The following PCDH15 variants were observed in gnomAD, a reference collection of about 807,000 sequenced individuals.
The protein encoded by PCDH15 is protocadherin-15.
A neutral mutation model predicts 178.5 loss-of-function variants in PCDH15; 129 were observed. The ratio of observed to expected loss-of-function variants is 0.72; its 90% CI spans 0.63 to 0.84. The LOEUF is 0.84. Ranked by LOEUF, PCDH15 falls within the 40% of genes least tolerant of loss-of-function variation. The pLI is 0.00. For missense variants in PCDH15, 2,230 were observed against 2,099.9 expected, an observed-to-expected ratio of 1.06 and a Z score of -1.21; for synonymous variants, 800 against 732.0, an observed-to-expected ratio of 1.09 and a Z score of -1.50.
chr10:55,130,079 A>G (rs567708381), intron 2 of PCDH15, among the ~76,000 whole-genome samples: 1 of 152,320 alleles, frequency 6.6e-6, no homozygotes, highest in South Asian at 2.1e-4. Context: ...ATGAAGGTTG[A>G]GAACAATAGA....
intron 2 of PCDH15, among the ~76,000 whole-genome samples, chr10:54,564,101 G>T (rs1487935238): frequency 1.3e-5 from 2 of 151,304 alleles, no homozygotes; most frequent in Non-Finnish European, 1.5e-5. Context: ...CTAACTCACT[G>T]CACTTTTTTT....
rs753147095 is a variant in PCDH15 at position 53,810,710 on chromosome 10, T to C, written c.4563-46A>G. 3.3e-6 allele frequency: 5 copies of C among 1,508,608 alleles called. No individual in the cohort carries two copies. In the South Asian group the frequency reaches 4.5e-5, roughly 14 times the overall value. The allele number at this position is 1,508,608 out of a possible 1,614,324, so 93.5% of individuals were successfully genotyped here. ...TTTAAACAGTTTGTCATGTGATTTC[T>C]GTAGAATCTACCATGAGTGATCTGT... On this transcript the variant is annotated intron_variant, in intron 36 of 37. Transcript: ENST00000644397.
intron 18 of PCDH15, among the ~76,000 whole-genome samples, chr10:54,060,330 T>C (rs1378659102): frequency 1.3e-5 from 2 of 152,312 alleles, no homozygotes; most frequent in African/African-American, 2.4e-5. Flanking sequence ...TCTCTAAATA[T>C]GGTAATATTA....
At chr10:54,559,823 T>G (rs2087815976) in intron 2 of PCDH15, among the ~76,000 whole-genome samples, 1 of 142,024 alleles carries the variant, frequency 7.0e-6, no homozygotes, top group Non-Finnish European at 1.5e-5. Flanking sequence ...CTAATAAGTT[T>G]ATTTGACATC....
At chr10:55,575,632 G>T (rs1842481785) in intron 2 of PCDH15, 1 of 152,250 alleles carries the variant, frequency 6.6e-6, no homozygotes, top group Admixed American at 6.5e-5. Context: ...CATTTTATAA[G>T]TGGTAATTGC....
At chr10:54,979,362 A>G (rs1839159731) in intron 2 of PCDH15, among the ~76,000 whole-genome samples, 1 of 152,134 alleles carries the variant, frequency 6.6e-6, no homozygotes, top group African/African-American at 2.4e-5. Flanking sequence ...GAGGGAGACT[A>G]GGATCCAAAA....
At position 53,823,323 on chromosome 10, in the gene PCDH15, C is replaced by T. The variant is rs1193544017; in HGVS notation, c.4368-3093G>A. On this transcript the variant is annotated intron_variant, in intron 32 of 37. Coordinates refer to ENST00000644397, the MANE Select transcript of PCDH15 (RefSeq NM_001384140.1). ...CCTGTCTTCTGAGACTGAGTTATTT[C>T]CCCTGCTTTGTTGAAAATGGTAGAG... 2 of 1,613,828 alleles carry T rather than the reference C, an allele frequency of 1.2e-6. No individual in the cohort carries two copies. The highest frequency in any genetic ancestry group is 1.7e-6 in the Non-Finnish European group (2 of 1,179,852).
At chr10:54,079,489 T>A in intron 16 of PCDH15, 65 bp from the exon 17 acceptor site, 1 of 1,430,028 alleles carries the variant, frequency 7.0e-7, no homozygotes, top group South Asian at 1.1e-5. Flanking sequence ...AGAGTCTTCT[T>A]AGTATAGTGA....
At chr10:55,152,753 A>G (rs893685320) in intron 2 of PCDH15, among the ~76,000 whole-genome samples, 5 of 152,190 alleles carry the variant, frequency 3.3e-5, no homozygotes, top group African/African-American at 1.2e-4. Context: ...AAAGAAATTT[A>G]CATTTGCCCT....
chr10:55,497,272 G>A (rs914699258), intron 2 of PCDH15, among the ~76,000 whole-genome samples: 2 of 151,566 alleles, frequency 1.3e-5, no homozygotes, highest in African/African-American at 4.8e-5. Flanking sequence ...TAGGACTACA[G>A]GTGCACACCA....
At chr10:55,433,132 T>C (rs892997570) in intron 2 of PCDH15, among the ~76,000 whole-genome samples, 5 of 152,112 alleles carry the variant, frequency 3.3e-5, no homozygotes, top group African/African-American at 1.2e-4. Context: ...TGGTCTACCA[T>C]AAAGACACAT....
intron 3 of PCDH15, among the ~76,000 whole-genome samples, chr10:54,524,238 T>C (rs2083161547): frequency 6.6e-6 from 1 of 152,220 alleles, no homozygotes; most frequent in South Asian, 2.1e-4. Flanking sequence ...ACTGAGAGTG[T>C]ACAATATATT....
At chr10:54,000,329 G>A (rs2092071317) in intron 20 of PCDH15, among the ~76,000 whole-genome samples, 1 of 151,966 alleles carries the variant, frequency 6.6e-6, no homozygotes, top group African/African-American at 2.4e-5. Context: ...GTCACCAAAT[G>A]AACTAAACAA....
intron 1 of PCDH15, among the ~76,000 whole-genome samples, chr10:54,752,476 C>CAAAAAAAAAAAAAAAA (rs755874514): frequency 5.6e-5 from 5 of 89,770 alleles, no homozygotes; most frequent in Admixed American, 1.9e-4. Flanking sequence ...GACTCCGTCT[C>CAAAAAAAAAAAAAAAA]AAAAAAAAAA....
rs1491515379 is a variant in PCDH15 at position 54,995,405 on chromosome 10, AAG to A, written c.-79-97907_-79-97906del. On this transcript the variant is annotated intron_variant, in intron 2 of 5. Coordinates refer to the PCDH15 transcript ENST00000458638. The stretch of plus-strand genomic sequence containing the variant: ...AGACTCCGTCTCAAAAAAAAAAAAA[AAG>A]AAGGAAAAAAATTATCTTACTTTAG... 3.5e-4 allele frequency among the ~76,000 whole-genome samples: 53 copies of A among 150,074 alleles called. 1 individual carries two copies. The highest frequency in any genetic ancestry group is 4.7e-4 in the Non-Finnish European group (32 of 67,868).
intron 2 of PCDH15, among the ~76,000 whole-genome samples, chr10:55,599,130 T>C (rs924920729): frequency 2.0e-5 from 3 of 152,120 alleles, no homozygotes; most frequent in Non-Finnish European, 4.4e-5. Context: ...TTTTGAATAA[T>C]GAATTAACTA....
At chr10:55,059,967 T>C (rs1841390127) in intron 2 of PCDH15, among the ~76,000 whole-genome samples, 1 of 142,008 alleles carries the variant, frequency 7.0e-6, no homozygotes, top group South Asian at 2.4e-4. Context: ...TGTTTCTGAA[T>C]GTATTGTCAT....
intron 1 of PCDH15, among the ~76,000 whole-genome samples, chr10:54,673,237 C>T (rs1269908037): frequency 1.3e-5 from 2 of 151,816 alleles, no homozygotes; most frequent in African/African-American, 2.4e-5. Context: ...CCCACCCCCG[C>T]GACAGGCCCC....
At chr10:53,991,655 C>T (rs376079193) in intron 21 of PCDH15, among the ~76,000 whole-genome samples, 11 of 151,988 alleles carry the variant, frequency 7.2e-5, no homozygotes, top group East Asian at 3.9e-4. Context: ...ACACACCAGT[C>T]GGCACTCTGT....
Sources: allele counts gnomAD v4.1 joint callset (sites outside exome capture counted in the v4.1 genomes callset), GRCh38; gene constraint gnomAD v4.1.1; transcripts MANE v1.5; gene names NCBI Gene and HGNC (gene_info 2026-07-23, HGNC 2026-07-21).